Variants in TENM4 observed in about 807,000 individuals in gnomAD.
TENM4 encodes teneurin-4.
A neutral mutation model predicts 243.3 loss-of-function variants in TENM4; 82 were observed. That is an observed-to-expected ratio of 0.34 (90% CI 0.28 to 0.40). TENM4 has a LOEUF of 0.40. TENM4 is among the 10% of genes least tolerant of loss of function. The pLI is 1.00. For synonymous variants in TENM4, 1,412 were observed against 1,456.3 expected, an observed-to-expected ratio of 0.97 and a Z score of 0.69; for missense variants, 3,138 against 3,673.3, an observed-to-expected ratio of 0.85 and a Z score of 3.77.
chr11:79,118,860 A>G (rs1861676674), intron 4 of TENM4, among the ~76,000 whole-genome samples: 1 of 152,194 alleles, frequency 6.6e-6, no homozygotes, highest in Admixed American at 6.5e-5. Flanking sequence ...TAATGCTGCT[A>G]TGTCCATGGA....
At chr11:78,866,149 G>A (rs1858970616) in intron 9 of TENM4, among the ~76,000 whole-genome samples, 1 of 152,186 alleles carries the variant, frequency 6.6e-6, no homozygotes, top group Non-Finnish European at 1.5e-5. Flanking sequence ...TGAATATTCT[G>A]CTATTTCCAA....
intron 2 of TENM4, among the ~76,000 whole-genome samples, chr11:79,252,517 G>T (rs935376703): frequency 5.3e-5 from 8 of 152,174 alleles, no homozygotes; most frequent in African/African-American, 1.7e-4. Flanking sequence ...GATTACAGGC[G>T]TGAGCCACTG....
At chr11:79,417,004 G>A (rs1858829515) in intron 1 of TENM4, among the ~76,000 whole-genome samples, 2 of 152,230 alleles carry the variant, frequency 1.3e-5, no homozygotes, top group African/African-American at 4.8e-5. Context: ...TACTGTGGCT[G>A]AGGTCCTGAT....
intron 12 of TENM4, among the ~76,000 whole-genome samples, chr11:78,832,991 C>T (rs896377311): frequency 6.6e-6 from 1 of 152,076 alleles, no homozygotes; most frequent in African/African-American, 2.4e-5. Flanking sequence ...TGGACCTTGC[C>T]CTCAAATAAG....
At chr11:78,817,448 C>T (rs1857631586) in intron 12 of TENM4, among the ~76,000 whole-genome samples, 1 of 152,158 alleles carries the variant, frequency 6.6e-6, no homozygotes, top group Admixed American at 6.5e-5. Context: ...GGCCTCGTTT[C>T]AGGGCAAAAT....
intron 1 of TENM4, among the ~76,000 whole-genome samples, chr11:79,337,584 G>C (rs1857167889): frequency 6.6e-6 from 1 of 152,200 alleles, no homozygotes; most frequent in South Asian, 2.1e-4. Flanking sequence ...GGCCAGGGTA[G>C]GCAGGACGGA....
At chr11:79,129,988 C>T (rs1298398996) in intron 4 of TENM4, among the ~76,000 whole-genome samples, 1 of 152,120 alleles carries the variant, frequency 6.6e-6, no homozygotes, top group Non-Finnish European at 1.5e-5. Flanking sequence ...TCCATTGCAA[C>T]CCCCTGCCAC....
At chr11:79,172,703 C>T (rs998087722) in intron 3 of TENM4, among the ~76,000 whole-genome samples, 28 of 142,570 alleles carry the variant, frequency 2.0e-4, no homozygotes, top group African/African-American at 7.2e-4. Flanking sequence ...CTCTATCTGT[C>T]ACCCAGGCTG....
chr11:78,661,579 C>A lies in TENM4; in HGVS notation c.7421G>T (p.Trp2474Leu). ...TAGCTGGAATCCAAAGGTGAGCAGC[C>A]AGCTGTTAACATCTGGATGGGAGGG... is the stretch of plus-strand genomic sequence containing the variant. ...IKCFMTDVNS[W>L]LLTFGFQLHN... The change falls in exon 33 of 34, where the codon TGG becomes TTG. Residue 2474 changes from tryptophan (W) to leucine (L), a missense_variant. Trp to Leu is a moderately conservative substitution (Grantham distance 61). Coordinates refer to ENST00000278550, the MANE Select transcript of TENM4 (RefSeq NM_001098816.3). 6.2e-7 allele frequency: 1 copy of A among 1,613,206 alleles called. No individual in the cohort carries two copies. Among genetic ancestry groups the A allele is most frequent in the Non-Finnish European group, 8.5e-7 (1 of 1,179,674 alleles).
intron 2 of TENM4, among the ~76,000 whole-genome samples, chr11:79,265,063 T>C (rs2135333124): frequency 1.3e-5 from 2 of 152,244 alleles, no homozygotes; most frequent in South Asian, 4.1e-4. Flanking sequence ...TTTTTTGAGA[T>C]ACAGTACAGG....
At chr11:79,009,778 G>A (rs1397263364) in intron 6 of TENM4, among the ~76,000 whole-genome samples, 6 of 152,168 alleles carry the variant, frequency 3.9e-5, no homozygotes, top group Admixed American at 3.9e-4. Flanking sequence ...CTGCTTCCCA[G>A]TGTAAGCTTT....
chr11:79,186,566 A>G (rs1863384008), intron 3 of TENM4, among the ~76,000 whole-genome samples: 1 of 152,240 alleles, frequency 6.6e-6, no homozygotes. Context: ...GCCTAATGGC[A>G]GTAACCCAGA....
chr11:78,978,035 T>C (rs370895300), intron 6 of TENM4, among the ~76,000 whole-genome samples: 1 of 152,102 alleles, frequency 6.6e-6, no homozygotes, highest in Non-Finnish European at 1.5e-5. Context: ...TGAAAAAGGA[T>C]GAGTTCATGT....
At chr11:79,281,629 G>T (rs1233725785) in intron 2 of TENM4, among the ~76,000 whole-genome samples, 1 of 152,104 alleles carries the variant, frequency 6.6e-6, no homozygotes, top group African/African-American at 2.4e-5. Context: ...GGCCATGGAG[G>T]GAAAATAAGG....
intron 1 of TENM4, among the ~76,000 whole-genome samples, chr11:79,312,257 G>A (rs538762976): frequency 2.6e-5 from 4 of 152,266 alleles, no homozygotes; most frequent in Admixed American, 2.6e-4. Context: ...AGGAGGGAAC[G>A]GACTATGTCT....
chr11:79,132,345 C>CAAAAAAAAAAAAAAAA (rs569082783), intron 4 of TENM4, among the ~76,000 whole-genome samples: 1,614 of 49,600 alleles, frequency 0.033, 219 homozygotes, highest in Non-Finnish European at 0.054. Flanking sequence ...GACTCCAACT[C>CAAAAAAAAAAAAAAAA]AAAAAAAAAA....
At position 78,863,181 on chromosome 11, in the gene TENM4, C is replaced by T. The variant is rs774052712; in HGVS notation, c.1085-49G>A. ...CATCTTTTTCTGCTGGAGGCAGAAA[C>T]GGGACTCCCAAGCCATAAGGGAAAG... On this transcript the variant is annotated intron_variant, in intron 9 of 33. Coordinates refer to ENST00000278550, the MANE Select transcript of TENM4 (RefSeq NM_001098816.3). 106 of 1,435,512 alleles carry T rather than the reference C, an allele frequency of 7.4e-5. 3 individuals carry two copies. The highest frequency in any genetic ancestry group is 7.3e-4 in the Middle Eastern group (4 of 5,508). 88.9% of individuals were successfully genotyped at this position (1,435,512 alleles called of 1,614,324 possible).
chr11:78,903,940 A>C, intron 6 of TENM4: 1 of 455,894 alleles, frequency 2.2e-6, no homozygotes, highest in South Asian at 1.7e-5. Flanking sequence ...TGACTGAATC[A>C]TGAACCCTGA....
intron 3 of TENM4, among the ~76,000 whole-genome samples, chr11:79,207,293 G>A (rs959392300): frequency 1.3e-5 from 2 of 152,228 alleles, no homozygotes; most frequent in Non-Finnish European, 2.9e-5. Flanking sequence ...TACTGCTGCT[G>A]TTGCCAAGAA....
Sources: allele counts gnomAD v4.1 joint callset (sites outside exome capture counted in the v4.1 genomes callset), GRCh38; gene constraint gnomAD v4.1.1; transcripts MANE v1.5; gene names NCBI Gene and HGNC (gene_info 2026-07-23, HGNC 2026-07-21).